The following VMA22 variants were observed in gnomAD, a reference collection of about 807,000 sequenced individuals.
VMA22 encodes vacuolar ATPase assembly factor VMA22, also known as vacuolar ATPase assembly protein VMA22.
the VMA22 span, chr2:130,339,368 G>T: frequency 9.8e-5 from 131 of 1,335,120 alleles, 1 homozygote; most frequent in South Asian, 1.9e-3. Flanking sequence ...TTCCAGGTAC[G>T]GCCCTGCATT....
chr2:130,339,817 C>A, the VMA22 span: 1 of 1,293,532 alleles, frequency 7.7e-7, no homozygotes, highest in Non-Finnish European at 1.0e-6. Context: ...CCTCTTCTCC[C>A]TCACCTCCCG....
At chr2:130,342,288 C>G in the VMA22 span, 2 of 1,386,064 alleles carry the variant, frequency 1.4e-6, no homozygotes, top group East Asian at 2.5e-5. Context: ...TAAGGGCAAG[C>G]GCCCTTAGAG....
At chr2:130,341,115 G>C in the VMA22 span, 4 of 1,441,278 alleles carry the variant, frequency 2.8e-6, no homozygotes, top group South Asian at 2.9e-5. Flanking sequence ...TGTTGAGCTT[G>C]ATCTGAGCTC....
chr2:130,341,042 G>A, the VMA22 span: 80 of 1,597,676 alleles, frequency 5.0e-5, no homozygotes, highest in Non-Finnish European at 6.6e-5. Context: ...CCGCAGACCT[G>A]AGGAAAGAAA....
At chr2:130,338,352 A>C in the VMA22 span, 1 of 152,252 alleles carries the variant, frequency 6.6e-6, no homozygotes, top group Non-Finnish European at 1.5e-5. Flanking sequence ...ATAAGCAAAA[A>C]GATAAACTGG....
chr2:130,339,446 C>T, the VMA22 span: 30 of 1,413,550 alleles, frequency 2.1e-5, no homozygotes, highest in African/African-American at 3.6e-4. Context: ...CCTCCTTAGA[C>T]TTCCTGGACC....
the VMA22 span, chr2:130,341,247 G>A: frequency 3.3e-6 from 2 of 613,998 alleles, no homozygotes; most frequent in Non-Finnish European, 5.6e-6. Context: ...ACTCTTTCCC[G>A]TGACTCCTGT....
chr2:130,339,342 C>T, the VMA22 span: 1 of 1,334,816 alleles, frequency 7.5e-7, no homozygotes, highest in Non-Finnish European at 1.0e-6. Context: ...CTGCCCCCCA[C>T]ACTTGTCCCA....
the VMA22 span, chr2:130,342,630 T>TG: frequency 4.2e-6 from 2 of 477,592 alleles, no homozygotes; most frequent in African/African-American, 1.9e-5. Flanking sequence ...TGCACGGCGG[T>TG]GGTGGGGGGA....
the VMA22 span, chr2:130,342,029 C>T: frequency 6.2e-7 from 1 of 1,613,974 alleles, no homozygotes; most frequent in Middle Eastern, 1.6e-4. Flanking sequence ...TCCACCCGGG[C>T]GTTCAACACC....
At chr2:130,342,143 T>C in the VMA22 span, 3 of 1,612,844 alleles carry the variant, frequency 1.9e-6, no homozygotes, top group South Asian at 2.2e-5. Flanking sequence ...CCTCCAGATC[T>C]GGAGCCACCT....
chr2:130,341,225 G>C, the VMA22 span: 1 of 669,846 alleles, frequency 1.5e-6, no homozygotes. Flanking sequence ...ATTCAGATGA[G>C]ACTGTTTGTC....
the VMA22 span, chr2:130,341,085 CT>C: frequency 6.6e-7 from 1 of 1,520,740 alleles, no homozygotes; most frequent in Non-Finnish European, 8.8e-7. Flanking sequence ...ACTCCCTGAC[CT>C]TTATCATCTT....
chr2:130,341,588 C>A, the VMA22 span: 1 of 1,255,618 alleles, frequency 8.0e-7, no homozygotes, highest in Non-Finnish European at 1.1e-6. Flanking sequence ...TCGCAAAAAC[C>A]TAATTTAAAT....
the VMA22 span, chr2:130,340,938 G>A: frequency 6.2e-6 from 10 of 1,614,124 alleles, no homozygotes; most frequent in Non-Finnish European, 8.5e-6. Flanking sequence ...GCCTGACGTA[G>A]ACTGTGAGGA....
the VMA22 span, chr2:130,339,515 C>T: frequency 1.5e-6 from 2 of 1,312,214 alleles, no homozygotes; most frequent in Admixed American, 3.0e-5. Flanking sequence ...TTCATGCCCT[C>T]ATTTCCTTCC....
the VMA22 span, chr2:130,340,708 A>C: frequency 1.6e-6 from 1 of 620,946 alleles, no homozygotes; most frequent in South Asian, 1.9e-5. Context: ...CTGTATCCCC[A>C]GCAGCTAGCA....
the VMA22 span, chr2:130,341,802 C>T: frequency 9.2e-6 from 3 of 325,982 alleles, no homozygotes; most frequent in Admixed American, 4.3e-5. Flanking sequence ...CTAGAACGCG[C>T]CCGCCCGCCC....
At chr2:130,338,235 C>A in the VMA22 span, 1 of 152,138 alleles carries the variant, frequency 6.6e-6, no homozygotes, top group Non-Finnish European at 1.5e-5. Flanking sequence ...TCAAAAAACA[C>A]AAAAGTTGGG....
Sources: gnomAD v4.1 joint callset for allele counts on GRCh38, gnomAD v4.1.1 for gene constraint, MANE v1.5 for transcripts, NCBI Gene and HGNC (gene_info 2026-07-23, HGNC 2026-07-21) for gene names.